ATP8B4: variants seen among roughly 807,000 people sequenced by gnomAD.
ATP8B4 encodes the protein ATPase phospholipid transporting 8B4 (putative).
ATP8B4 carries 133 observed loss-of-function variants against 145.6 expected under a neutral mutation model. The ratio of observed to expected loss-of-function variants is 0.91; its 90% confidence interval spans 0.79 to 1.05. The LOEUF (loss-of-function observed/expected upper bound fraction) is 1.05. ATP8B4 is among the 50% of genes least tolerant of loss of function. The probability of loss-of-function intolerance (pLI) is 0.00; values close to 1 mark genes in which losing one functional copy is unlikely to be tolerated. For synonymous variants in ATP8B4, 507 were observed against 492.9 expected (o/e 1.03, Z -0.38); for missense variants, 1,458 against 1,425.2 (o/e 1.02, Z -0.37).
intron 3 of ATP8B4, among the ~76,000 whole-genome samples, chr15:50,057,109 A>T (rs2052667545): frequency 6.6e-6 from 1 of 152,216 alleles, no homozygotes; most frequent in Non-Finnish European, 1.5e-5. Flanking sequence ...AAAGGAGCTC[A>T]TCTGTGCCTC....
At chr15:49,900,717 G>A (rs1287396854) in intron 21 of ATP8B4, among the ~76,000 whole-genome samples, 1 of 152,132 alleles carries the variant, frequency 6.6e-6, no homozygotes, top group Admixed American at 6.5e-5. Flanking sequence ...ACAAACATTA[G>A]TAAGAGCAAT....
intron 14 of ATP8B4, among the ~76,000 whole-genome samples, chr15:49,947,751 G>A (rs1355640862): frequency 2.0e-5 from 3 of 152,064 alleles, no homozygotes; most frequent in Admixed American, 6.6e-5. Flanking sequence ...AAAGCAGTGG[G>A]GTACTGGTAT....
At chr15:50,112,169 T>C (rs749195581) in intron 1 of ATP8B4, among the ~76,000 whole-genome samples, 11 of 151,478 alleles carry the variant, frequency 7.3e-5, no homozygotes, top group Non-Finnish European at 1.6e-4. Context: ...AGCAAAGGAA[T>C]TAGAGGAGAT....
At chr15:50,022,615 G>A (rs1283023219) in intron 6 of ATP8B4, among the ~76,000 whole-genome samples, 1 of 152,198 alleles carries the variant, frequency 6.6e-6, no homozygotes, top group Admixed American at 6.5e-5. Flanking sequence ...AAGCCAATAG[G>A]ATTAGAGTGT....
intron 2 of ATP8B4, among the ~76,000 whole-genome samples, chr15:50,104,866 T>TATACACACACAC (rs1555490759): frequency 2.6e-5 from 3 of 116,318 alleles, no homozygotes; most frequent in East Asian, 7.7e-4. Flanking sequence ...AAATGTTGCA[T>TATACACACACAC]ACACACACAC....
intron 1 of ATP8B4, among the ~76,000 whole-genome samples, chr15:50,117,026 A>G (rs1332202262): frequency 2.6e-5 from 4 of 152,026 alleles, no homozygotes; most frequent in African/African-American, 4.8e-5. Flanking sequence ...GATTACACAC[A>G]TTAAGTTTTG....
chr15:50,158,468 C>G (rs529234401), intron 1 of ATP8B4, among the ~76,000 whole-genome samples: 1 of 150,168 alleles, frequency 6.7e-6, no homozygotes, highest in South Asian at 2.1e-4. Flanking sequence ...CCAGCCGCCC[C>G]GTCCGGGAGG....
intron 15 of ATP8B4, among the ~76,000 whole-genome samples, chr15:49,933,540 C>G (rs2041456107): frequency 6.6e-6 from 1 of 152,014 alleles, no homozygotes; most frequent in African/African-American, 2.4e-5. Context: ...TAAGACTATT[C>G]TAATATCAAG....
chr15:50,169,989 G>A (rs961682464), intron 1 of ATP8B4, among the ~76,000 whole-genome samples: 4 of 151,986 alleles, frequency 2.6e-5, no homozygotes, highest in African/African-American at 9.7e-5. Flanking sequence ...AAAAGAAAAA[G>A]ATTAAGACAA....
intron 2 of ATP8B4, among the ~76,000 whole-genome samples, chr15:50,094,871 A>G (rs1259952108): frequency 2.6e-5 from 4 of 151,976 alleles, no homozygotes; most frequent in Admixed American, 2.6e-4. Flanking sequence ...TCAGTGAGCC[A>G]TAAGTACAAA....
At chr15:49,954,389 A>C (rs754779183) in intron 14 of ATP8B4, among the ~76,000 whole-genome samples, 6 of 152,224 alleles carry the variant, frequency 3.9e-5, no homozygotes, top group Non-Finnish European at 7.3e-5. Flanking sequence ...CAAGAGAGTA[A>C]ACAGACAACC....
intron 1 of ATP8B4, among the ~76,000 whole-genome samples, chr15:50,137,237 G>C (rs2044135074): frequency 6.6e-6 from 1 of 152,118 alleles, no homozygotes; most frequent in Non-Finnish European, 1.5e-5. Context: ...CCAGCCAATG[G>C]GTTACCCAAG....
intron 6 of ATP8B4, among the ~76,000 whole-genome samples, chr15:50,028,078 T>C (rs1424379089): frequency 6.6e-6 from 1 of 152,208 alleles, no homozygotes; most frequent in Admixed American, 6.5e-5. Context: ...TCACTCTCAA[T>C]TATATTTCCC....
chr15:50,081,115 G>GAAA (rs36059633), intron 2 of ATP8B4, among the ~76,000 whole-genome samples: 9 of 131,320 alleles, frequency 6.9e-5, no homozygotes, highest in African/African-American at 1.1e-4. Flanking sequence ...TACGTCTCAA[G>GAAA]AAAAAAAAAA....
intron 1 of ATP8B4, among the ~76,000 whole-genome samples, chr15:50,158,082 A>C (rs1445318124): frequency 6.6e-6 from 1 of 152,194 alleles, no homozygotes; most frequent in Non-Finnish European, 1.5e-5. Flanking sequence ...GCTGGAGTGC[A>C]GTGGCGTGAT....
intron 3 of ATP8B4, among the ~76,000 whole-genome samples, chr15:50,056,295 T>G (rs1449602994): frequency 6.6e-6 from 1 of 152,178 alleles, no homozygotes; most frequent in Non-Finnish European, 1.5e-5. Flanking sequence ...GCTACAGACA[T>G]GAGTAAGCAA....
intron 2 of ATP8B4, among the ~76,000 whole-genome samples, chr15:50,078,674 A>T (rs1200124373): frequency 6.6e-6 from 1 of 152,056 alleles, no homozygotes; most frequent in African/African-American, 2.4e-5. Context: ...ACCAAGTACC[A>T]ATCAGGATGA....
intron 1 of ATP8B4, among the ~76,000 whole-genome samples, chr15:50,133,295 C>T (rs2044073345): frequency 6.6e-6 from 1 of 152,110 alleles, no homozygotes; most frequent in African/African-American, 2.4e-5. Context: ...AAAAGTCAAA[C>T]TCACTGGGCA....
At chr15:50,132,920 T>C (rs967419178) in intron 1 of ATP8B4, among the ~76,000 whole-genome samples, 2 of 150,638 alleles carry the variant, frequency 1.3e-5, no homozygotes, top group Non-Finnish European at 3.0e-5. Context: ...TGAGAACACA[T>C]GGACACAGGG....
Sources: gnomAD v4.1 joint callset for allele counts (sites outside exome capture counted in the v4.1 genomes callset) on GRCh38, gnomAD v4.1.1 for gene constraint, MANE v1.5 for transcripts, NCBI Gene and HGNC (gene_info 2026-07-23, HGNC 2026-07-21) for gene names.